Variants in MANBA observed in about 807,000 individuals in gnomAD.
MANBA encodes the protein mannosidase beta.
In MANBA, 83 loss-of-function variants were observed where a neutral mutation model predicts 111.1. The observed-to-expected ratio is 0.75, with a 90% CI of 0.63 to 0.90. The LOEUF is 0.90. Among genes scored for constraint, MANBA ranks in the 40% least tolerant of loss-of-function variants. The probability of loss-of-function intolerance (pLI) is 0.00; values close to 1 mark genes in which losing one functional copy is unlikely to be tolerated. For synonymous variants in MANBA, 370 were observed against 378.7 expected (o/e 0.98, Z 0.27); for missense variants, 1,036 against 1,069.0 (o/e 0.97, Z 0.43).
chr4:102,655,893 T>C (rs2110208045), intron 12 of MANBA, among the ~76,000 whole-genome samples: 1 of 152,334 alleles, frequency 6.6e-6, no homozygotes, highest in South Asian at 2.1e-4. Context: ...ATATACCTGA[T>C]AAAATCTTAT....
chr4:102,668,340 G>A (rs1278651684), intron 10 of MANBA: 1 of 138,666 alleles, frequency 7.2e-6, no homozygotes. Context: ...GCCAGACCTG[G>A]AGTCGGCCAT....
At chr4:102,726,452 A>G (rs1250717091) in intron 2 of MANBA, 137 bp downstream of exon 2, 6 of 623,908 alleles carry the variant, frequency 9.6e-6, no homozygotes, top group Non-Finnish European at 1.7e-5. Context: ...TAACTCTCAG[A>G]TATGTAACCT....
intron 14 of MANBA, among the ~76,000 whole-genome samples, chr4:102,637,171 G>GT (rs1729669946): frequency 6.6e-6 from 1 of 152,196 alleles, no homozygotes; most frequent in Non-Finnish European, 1.5e-5. Flanking sequence ...CAAATTACCA[G>GT]TCTCAGGTAT....
intron 11 of MANBA, among the ~76,000 whole-genome samples, chr4:102,664,193 T>A (rs1343308712): frequency 6.6e-6 from 1 of 152,134 alleles, no homozygotes; most frequent in Non-Finnish European, 1.5e-5. Flanking sequence ...CACAGAGAAG[T>A]TAATCCTCCA....
chr4:102,706,866 A>G (rs188742850), intron 5 of MANBA, among the ~76,000 whole-genome samples: 41 of 152,284 alleles, frequency 2.7e-4, no homozygotes, highest in African/African-American at 9.4e-4. Context: ...TTGGAAGTAA[A>G]CCAGTCAAAC....
intron 8 of MANBA, 95 bp downstream of exon 8, chr4:102,673,824 T>C: frequency 8.5e-7 from 1 of 1,177,808 alleles, no homozygotes; most frequent in East Asian, 2.4e-5. Flanking sequence ...CTTAGTTCCT[T>C]GCCCAGAGAC....
chr4:102,687,954 G>A (rs1380705132), intron 7 of MANBA, among the ~76,000 whole-genome samples: 3 of 152,060 alleles, frequency 2.0e-5, no homozygotes, highest in Non-Finnish European at 4.4e-5. Context: ...TCAAGGTGTG[G>A]GGCAGTTAAA....
In MANBA at chr4:102,631,948, G is replaced by A. The variant is rs775258487; in HGVS notation, c.*109C>T. ...CAATCGCTCAAATGCGTGGCAGCAC[G>A]CAGACATGTCTCTCGGCTTCTCTCC... is the stretch of plus-strand genomic sequence containing the variant. On this transcript the variant is annotated 3_prime_UTR_variant, in exon 17 of 17. Coordinates refer to ENST00000647097, the MANE Select transcript of MANBA (RefSeq NM_005908.4). The A allele has an allele frequency of 1.0e-4, 96 of 942,192 alleles. No individual in the cohort carries two copies. The highest frequency in any genetic ancestry group is 1.5e-4 in the Non-Finnish European group (88 of 587,952). The allele number at this position is 942,192 out of a possible 1,614,324, so 58.4% of individuals were successfully genotyped here.
At chr4:102,731,337 C>T (rs1723027409) in intron 1 of MANBA, among the ~76,000 whole-genome samples, 1 of 152,186 alleles carries the variant, frequency 6.6e-6, no homozygotes, top group South Asian at 2.1e-4. Flanking sequence ...CTATCCCAGC[C>T]AGCCTCCAGG....
At chr4:102,663,334 G>C (rs1022717362) in intron 11 of MANBA, among the ~76,000 whole-genome samples, 3 of 152,148 alleles carry the variant, frequency 2.0e-5, no homozygotes, top group African/African-American at 7.2e-5. Context: ...AGGTTACATA[G>C]ACAGGAAGTG....
intron 15 of MANBA, 128 bp from the exon 16 acceptor site, chr4:102,635,173 T>C: frequency 1.0e-6 from 1 of 991,390 alleles, no homozygotes; most frequent in Non-Finnish European, 1.5e-6. Flanking sequence ...ACCTGAGTTT[T>C]AATCCCAGTC....
At chr4:102,741,292 T>C (rs920230622) in intron 1 of MANBA, among the ~76,000 whole-genome samples, 17 of 152,072 alleles carry the variant, frequency 1.1e-4, no homozygotes, top group African/African-American at 3.9e-4. Context: ...CAAAAAATAA[T>C]AGATGTTGGC....
At chr4:102,652,050 G>A (rs1322975054) in intron 12 of MANBA, among the ~76,000 whole-genome samples, 2 of 152,068 alleles carry the variant, frequency 1.3e-5, no homozygotes, top group Non-Finnish European at 2.9e-5. Context: ...ATCAAATCAG[G>A]CTAATAAGCA....
At chr4:102,732,322 G>C (rs1723060263) in intron 1 of MANBA, among the ~76,000 whole-genome samples, 1 of 152,238 alleles carries the variant, frequency 6.6e-6, no homozygotes, top group African/African-American at 2.4e-5. Context: ...GAAGGGAATT[G>C]TGCAGGCATG....
chr4:102,650,942 G>C (rs985539741), intron 12 of MANBA: 1 of 462,138 alleles, frequency 2.2e-6, no homozygotes, highest in African/African-American at 1.9e-5. Context: ...CTCCAACTAA[G>C]AAAGTTATAT....
At chr4:102,709,288 AAGG>A (rs1721915742) in intron 5 of MANBA, among the ~76,000 whole-genome samples, 2 of 656 alleles carry the variant, frequency 3.0e-3, no homozygotes, top group South Asian at 0.05. Context: ...GAAAGAAAGG[AAGG>A]AAGGAAGGAA....
At chr4:102,667,732 T>C (rs542298515) in intron 10 of MANBA, 3 of 152,326 alleles carry the variant, frequency 2.0e-5, no homozygotes, top group African/African-American at 7.2e-5. Context: ...ATTTGTTCTT[T>C]GTATATCAAC....
chr4:102,744,851 T>C (rs1578956560), intron 1 of MANBA, among the ~76,000 whole-genome samples: 2 of 152,346 alleles, frequency 1.3e-5, no homozygotes, highest in Admixed American at 1.3e-4. Context: ...TTTGATTTGC[T>C]ATTTTTCTAG....
chr4:102,684,588 T>C (rs1459431006), intron 7 of MANBA, among the ~76,000 whole-genome samples: 7 of 152,188 alleles, frequency 4.6e-5, no homozygotes, highest in Admixed American at 2.6e-4. Context: ...TAAAATTTTA[T>C]ACAACTTAAA....
Sources: allele counts gnomAD v4.1 joint callset (sites outside exome capture counted in the v4.1 genomes callset), GRCh38; gene constraint gnomAD v4.1.1; transcripts MANE v1.5; gene names NCBI Gene and HGNC (gene_info 2026-07-23, HGNC 2026-07-21).